The following SAXO5 variants were observed in gnomAD, a reference collection of about 807,000 sequenced individuals.
SAXO5 encodes stabilizer of axonemal microtubules 5.
the SAXO5 span, among the ~76,000 whole-genome samples, chr19:7,503,079 G>A: frequency 2.0e-5 from 3 of 152,114 alleles, no homozygotes; most frequent in African/African-American, 7.2e-5. Context: ...AGAAGAAGTT[G>A]CGGCCGGGTG....
At chr19:7,505,409 G>A in the SAXO5 span, 1 of 1,614,144 alleles carries the variant, frequency 6.2e-7, no homozygotes, top group East Asian at 2.2e-5. Context: ...GACCACCAAG[G>A]CCGAGCACTT....
At chr19:7,505,536 C>A in the SAXO5 span, 12 of 1,614,184 alleles carry the variant, frequency 7.4e-6, no homozygotes, top group African/African-American at 1.2e-4. Context: ...TTCTTCACCA[C>A]GATCAGACTC....
At chr19:7,501,033 C>T in the SAXO5 span, 3 of 1,522,366 alleles carry the variant, frequency 2.0e-6, no homozygotes, top group Non-Finnish European at 2.6e-6. Flanking sequence ...CCCAATGGAC[C>T]CGCGCTGGGA....
the SAXO5 span, chr19:7,504,167 T>C: frequency 5.5e-5 from 89 of 1,613,866 alleles, no homozygotes; most frequent in Non-Finnish European, 7.2e-5. Flanking sequence ...AAGATGGGAC[T>C]TCCTACCAAA....
chr19:7,506,907 TC>T, the SAXO5 span: 2 of 554,126 alleles, frequency 3.6e-6, no homozygotes, highest in Non-Finnish European at 6.6e-6. Context: ...GGCTCCTCCC[TC>T]CCCCCTCTCC....
chr19:7,503,831 T>A, the SAXO5 span, among the ~76,000 whole-genome samples: 2 of 152,202 alleles, frequency 1.3e-5, no homozygotes, highest in African/African-American at 4.8e-5. Flanking sequence ...GGTCTTACTA[T>A]GTTGCCCAAG....
the SAXO5 span, chr19:7,504,139 A>G: frequency 6.2e-7 from 1 of 1,613,126 alleles, no homozygotes; most frequent in Non-Finnish European, 8.5e-7. Flanking sequence ...AACACCCTCA[A>G]GTGGGACTAC....
the SAXO5 span, among the ~76,000 whole-genome samples, chr19:7,500,638 G>T: frequency 6.6e-6 from 1 of 152,112 alleles, no homozygotes; most frequent in Admixed American, 6.5e-5. Context: ...GCTCTCGCTG[G>T]GGGAAGGCAC....
the SAXO5 span, chr19:7,501,055 G>T: frequency 2.0e-6 from 3 of 1,510,800 alleles, no homozygotes; most frequent in Admixed American, 2.0e-5. Flanking sequence ...CGGGAAGAGC[G>T]CGTGTCGGAG....
At chr19:7,506,157 G>C in the SAXO5 span, 13 of 1,605,376 alleles carry the variant, frequency 8.1e-6, no homozygotes, top group Admixed American at 2.2e-4. Flanking sequence ...CTGCCGCGGG[G>C]CACGGGCGGT....
chr19:7,506,991 C>T, the SAXO5 span: 1 of 1,374,038 alleles, frequency 7.3e-7, no homozygotes, highest in Non-Finnish European at 1.0e-6. Flanking sequence ...CCTTGAACTT[C>T]ACCACACCCT....
At chr19:7,505,877 G>C in the SAXO5 span, 3 of 1,334,056 alleles carry the variant, frequency 2.2e-6, no homozygotes, top group South Asian at 4.1e-5. Flanking sequence ...AGCTGTCCAA[G>C]GTCACACAGA....
At chr19:7,508,123 C>T in the SAXO5 span, 1 of 1,200,104 alleles carries the variant, frequency 8.3e-7, no homozygotes, top group South Asian at 1.4e-5. Context: ...CCTGACTCAT[C>T]AGGCCTGGAG....
the SAXO5 span, chr19:7,507,028 A>G: frequency 6.3e-7 from 1 of 1,598,634 alleles, no homozygotes; most frequent in Non-Finnish European, 8.6e-7. Flanking sequence ...CACAGCCCTC[A>G]CTCAGCCTCC....
the SAXO5 span, among the ~76,000 whole-genome samples, chr19:7,499,225 T>C: frequency 2.0e-5 from 3 of 149,892 alleles, no homozygotes; most frequent in Non-Finnish European, 3.0e-5. Context: ...GGCAGGAGAG[T>C]CAGTTGAATC....
the SAXO5 span, among the ~76,000 whole-genome samples, chr19:7,504,857 A>G: frequency 6.6e-6 from 1 of 151,888 alleles, no homozygotes; most frequent in African/African-American, 2.4e-5. Flanking sequence ...AAGGTGCACT[A>G]TTGTGCCAGA....
At chr19:7,501,137 G>A in the SAXO5 span, 1 of 1,507,730 alleles carries the variant, frequency 6.6e-7, no homozygotes. Flanking sequence ...GGGAACGCAC[G>A]CTCGCCATGC....
At chr19:7,501,469 T>C in the SAXO5 span, 3 of 1,358,598 alleles carry the variant, frequency 2.2e-6, no homozygotes, top group Non-Finnish European at 2.9e-6. Flanking sequence ...GCAAGGGCTC[T>C]TCATTCCCCT....
the SAXO5 span, among the ~76,000 whole-genome samples, chr19:7,502,931 C>T: frequency 6.6e-6 from 1 of 152,132 alleles, no homozygotes; most frequent in Non-Finnish European, 1.5e-5. Flanking sequence ...TGGTCAGAGG[C>T]CCCTAAGATG....
Sources: allele counts gnomAD v4.1 joint callset (sites outside exome capture counted in the v4.1 genomes callset), GRCh38; gene constraint gnomAD v4.1.1; transcripts MANE v1.5; gene names NCBI Gene and HGNC (gene_info 2026-07-23, HGNC 2026-07-21).